The following IFT88 variants were observed in gnomAD, a reference collection of about 807,000 sequenced individuals.
IFT88 encodes intraflagellar transport protein 88 homolog.
IFT88 carries 74 observed loss-of-function variants against 119.5 expected under a neutral mutation model. The observed-to-expected ratio is 0.62, with a 90% CI of 0.51 to 0.75. IFT88 has a LOEUF of 0.75. IFT88 is among the 30% of genes least tolerant of loss of function. The probability of loss-of-function intolerance (pLI) is 0.00; values close to 1 mark genes in which losing one functional copy is unlikely to be tolerated. For missense variants in IFT88, 961 were observed against 977.7 expected, an observed-to-expected ratio of 0.98 and a Z score of 0.23; for synonymous variants, 279 against 316.7, an observed-to-expected ratio of 0.88 and a Z score of 1.26.
intron 14 of IFT88, among the ~76,000 whole-genome samples, chr13:20,617,093 G>A (rs919419704): frequency 7.9e-5 from 12 of 151,910 alleles, no homozygotes; most frequent in African/African-American, 1.9e-4. Context: ...ACAGGCGCCC[G>A]CCACCAAGCC....
intron 24 of IFT88, among the ~76,000 whole-genome samples, chr13:20,679,685 T>C (rs2057099455): frequency 6.6e-6 from 1 of 152,234 alleles, no homozygotes; most frequent in Admixed American, 6.5e-5. Flanking sequence ...GACACAACTA[T>C]GTATCCAGAC....
intron 1 of IFT88, among the ~76,000 whole-genome samples, chr13:20,570,585 G>A (rs1217375251): frequency 6.6e-6 from 1 of 152,198 alleles, no homozygotes; most frequent in African/African-American, 2.4e-5. Flanking sequence ...GAAGCATTAT[G>A]CTAAGTGAAA....
At chr13:20,670,439 T>C (rs946039751) in intron 23 of IFT88, among the ~76,000 whole-genome samples, 4 of 151,982 alleles carry the variant, frequency 2.6e-5, no homozygotes, top group Non-Finnish European at 5.9e-5. Context: ...TCTAAGAAAG[T>C]AGACTGTTGG....
Position 20,691,286 on chromosome 13 carries a change from T to G in IFT88, c.*111T>G. ...AATTATTTTTTTTCACTGTCAAAAC[T>G]TAAGTAAGTGTATTCTATTCTGTAT... On this transcript the variant is annotated 3_prime_UTR_variant, in exon 26 of 26. Transcript: ENST00000351808. 9.9e-7 allele frequency: 1 copy of G among 1,008,890 alleles called. No homozygotes were observed. The highest frequency in any genetic ancestry group is 1.4e-6 in the Non-Finnish European group (1 of 704,480). The allele number at this position is 1,008,890 out of a possible 1,614,324, so 62.5% of individuals were successfully genotyped here.
At chr13:20,619,758 TC>T (rs1220180799) in intron 14 of IFT88, among the ~76,000 whole-genome samples, 1 of 152,138 alleles carries the variant, frequency 6.6e-6, no homozygotes, top group Non-Finnish European at 1.5e-5. Flanking sequence ...AATGGCTTGA[TC>T]CTATGGTGTG....
intron 4 of IFT88, among the ~76,000 whole-genome samples, chr13:20,590,203 A>G (rs1159382279): frequency 6.6e-6 from 1 of 152,194 alleles, no homozygotes; most frequent in Non-Finnish European, 1.5e-5. Context: ...GTAATAGTGT[A>G]TATAATTGGG....
chr13:20,597,276 T>C (rs775933462), intron 9 of IFT88, among the ~76,000 whole-genome samples, 157 bp downstream of exon 9: 28 of 152,164 alleles, frequency 1.8e-4, no homozygotes, highest in Non-Finnish European at 3.8e-4. Flanking sequence ...CTCTTGTCTT[T>C]GTTTTGTGCA....
At chr13:20,684,636 G>T (rs2057689438) in intron 24 of IFT88, among the ~76,000 whole-genome samples, 1 of 152,146 alleles carries the variant, frequency 6.6e-6, no homozygotes, top group Non-Finnish European at 1.5e-5. Context: ...TGAAACCAGG[G>T]GCAGTATTTC....
chr13:20,664,791 T>G (rs147457087), intron 23 of IFT88, among the ~76,000 whole-genome samples: 2 of 152,070 alleles, frequency 1.3e-5, no homozygotes, highest in East Asian at 3.9e-4. Flanking sequence ...AATAAAGAAA[T>G]AATAGAGACT....
At chr13:20,640,616 A>G (rs1256068616) in intron 17 of IFT88, among the ~76,000 whole-genome samples, 1 of 151,868 alleles carries the variant, frequency 6.6e-6, no homozygotes, top group Admixed American at 6.6e-5. Flanking sequence ...ATAAATACAA[A>G]TTAATGTATA....
chr13:20,648,669 G>T (rs2051115177), intron 20 of IFT88, among the ~76,000 whole-genome samples: 1 of 152,118 alleles, frequency 6.6e-6, no homozygotes, highest in African/African-American at 2.4e-5. Context: ...AAATCCTTCT[G>T]TGTCAATAAT....
At chr13:20,616,636 A>G (rs150752955) in intron 14 of IFT88, among the ~76,000 whole-genome samples, 1 of 152,260 alleles carries the variant, frequency 6.6e-6, no homozygotes, top group Non-Finnish European at 1.5e-5. Context: ...GCCTAATGAC[A>G]TAATTCTCAG....
At chr13:20,660,429 A>G (rs1214924923) in intron 22 of IFT88, among the ~76,000 whole-genome samples, 1 of 152,204 alleles carries the variant, frequency 6.6e-6, no homozygotes, top group South Asian at 2.1e-4. Flanking sequence ...GTGTGGAAGA[A>G]TAATACAATT....
At chr13:20,682,125 A>G (rs1283434181) in intron 24 of IFT88, among the ~76,000 whole-genome samples, 2 of 152,228 alleles carry the variant, frequency 1.3e-5, no homozygotes, top group South Asian at 2.1e-4. Flanking sequence ...TTCCAGGGTC[A>G]TATGCATGCA....
intron 12 of IFT88, among the ~76,000 whole-genome samples, 182 bp downstream of exon 12, chr13:20,602,115 T>TG (rs2042687203): frequency 6.6e-6 from 1 of 151,818 alleles, no homozygotes; most frequent in Admixed American, 6.6e-5. Flanking sequence ...TCTATTGAAA[T>TG]GGGGTAGAGA....
chr13:20,567,646 A>G, intron 1 of IFT88: 1 of 782,796 alleles, frequency 1.3e-6, no homozygotes, highest in South Asian at 5.0e-5. Context: ...GATGGTGCAC[A>G]TCGCTCTTTA....
In IFT88 at chr13:20,664,693, A is replaced by G. The variant is rs1436845979; in HGVS notation, c.2175+1089A>G. Among the ~76,000 whole-genome samples the G allele has an allele frequency of 2.0e-5, 3 of 152,352 alleles. No homozygotes were observed. The South Asian group carries it at 6.2e-4, about 32-fold the overall frequency. The stretch of plus-strand genomic sequence containing the variant: ...GGGAAGAGCAGGGCTTGAGGAATGA[A>G]TATTTTAAATATGAAAAAGGAAGAG... On this transcript the variant is annotated intron_variant, in intron 23 of 25. Transcript: ENST00000351808.
intron 4 of IFT88, 133 bp from the exon 5 acceptor site, chr13:20,590,834 G>T (rs190640936): frequency 6.5e-6 from 4 of 618,806 alleles, no homozygotes; most frequent in East Asian, 5.8e-5. Context: ...TACCCTATAC[G>T]CCCAGGAGGT....
chr13:20,597,471 GCC>G (rs2041846404), intron 9 of IFT88, among the ~76,000 whole-genome samples: 1 of 152,074 alleles, frequency 6.6e-6, no homozygotes, highest in Admixed American at 6.6e-5. Flanking sequence ...GTAGCCGGGT[GCC>G]GTGGCTCACG....
Sources: allele counts gnomAD v4.1 joint callset (sites outside exome capture counted in the v4.1 genomes callset), GRCh38; gene constraint gnomAD v4.1.1; transcripts MANE v1.5; gene names NCBI Gene and HGNC (gene_info 2026-07-23, HGNC 2026-07-21).